The following TENM2 variants were observed in gnomAD, a reference collection of about 807,000 sequenced individuals.
The protein encoded by TENM2 is teneurin-2.
Under a neutral mutation model 245.2 loss-of-function variants are expected in TENM2, and 52 were observed. The observed-to-expected ratio is 0.21, with a 90% CI of 0.17 to 0.27. The LOEUF is 0.27. TENM2 is among the 10% of genes least tolerant of loss of function. TENM2 has a pLI of 1.00. For synonymous variants in TENM2, 1,363 were observed against 1,438.9 expected, an observed-to-expected ratio of 0.95 and a Z score of 1.19; for missense variants, 3,046 against 3,666.8, an observed-to-expected ratio of 0.83 and a Z score of 4.37.
At chr5:167,706,096 T>G (rs1758501152) in intron 2 of TENM2, among the ~76,000 whole-genome samples, 1 of 145,698 alleles carries the variant, frequency 6.9e-6, no homozygotes. Context: ...ATATATATAA[T>G]TATACCAGTA....
At chr5:167,033,260 A>G in the TENM2 span, among the ~76,000 whole-genome samples, 3 of 152,352 alleles carry the variant, frequency 2.0e-5, no homozygotes, top group African/African-American at 7.2e-5. Flanking sequence ...TTTTGGAGAA[A>G]GTTCACTTCG....
chr5:167,477,407 T>G (rs1334908080), intron 2 of TENM2, among the ~76,000 whole-genome samples: 1 of 146,052 alleles, frequency 6.8e-6, no homozygotes, highest in Non-Finnish European at 1.5e-5. Context: ...ATAATAAAAA[T>G]AGTTATGATC....
At chr5:167,000,906 T>C in the TENM2 span, among the ~76,000 whole-genome samples, 80 of 152,056 alleles carry the variant, frequency 5.3e-4, 1 homozygote, top group South Asian at 1.5e-3. Context: ...TGAGGAAGAG[T>C]AAGTTGTTGT....
chr5:167,737,449 C>T (rs1237606895), intron 2 of TENM2, among the ~76,000 whole-genome samples: 7 of 152,158 alleles, frequency 4.6e-5, no homozygotes, highest in East Asian at 3.9e-4. Context: ...CTGCTGCTTT[C>T]GAAGGTCCAT....
At chr5:167,205,305 T>A in the TENM2 span, among the ~76,000 whole-genome samples, 1 of 152,118 alleles carries the variant, frequency 6.6e-6, no homozygotes, top group East Asian at 1.9e-4. Context: ...CGCTTGGACC[T>A]GGGAGGTGGA....
chr5:168,110,781 C>T (rs1370344064), intron 9 of TENM2, among the ~76,000 whole-genome samples: 1 of 152,186 alleles, frequency 6.6e-6, no homozygotes, highest in African/African-American at 2.4e-5. Flanking sequence ...TAATGCTGTT[C>T]AGTCTCACAC....
intron 2 of TENM2, among the ~76,000 whole-genome samples, chr5:167,602,330 C>T (rs567516428): frequency 2.6e-5 from 4 of 152,150 alleles, no homozygotes; most frequent in Non-Finnish European, 4.4e-5. Flanking sequence ...AACTCACTGC[C>T]TCATATGAAA....
rs1760115128 is a variant in TENM2 at position 168,183,533 on chromosome 5, CA to C, written c.2570-6803del. Among the ~76,000 whole-genome samples the C allele has an allele frequency of 2.0e-5, 3 of 152,336 alleles. No individual in the cohort carries two copies. In the South Asian group the frequency reaches 6.2e-4, roughly 32 times the overall value. ...ACTCTTTCCATCTCTATCTCAAATT[CA>C]GCAGGAGCCTTTGGCCTTTGCTGGC... On this transcript the variant is annotated intron_variant, in intron 13 of 28. Coordinates refer to ENST00000518659, the Ensembl canonical transcript of TENM2.
chr5:168,030,264 G>T (rs1453578431), intron 5 of TENM2, among the ~76,000 whole-genome samples: 5 of 145,810 alleles, frequency 3.4e-5, no homozygotes, highest in Non-Finnish European at 7.4e-5. Flanking sequence ...TACCTGTATG[G>T]GCAGAGACCT....
chr5:167,652,548 A>G (rs192609413), intron 2 of TENM2, among the ~76,000 whole-genome samples: 1 of 151,764 alleles, frequency 6.6e-6, no homozygotes, highest in African/African-American at 2.4e-5. Flanking sequence ...ATATCTGGTC[A>G]GTATGTCAAA....
At chr5:167,106,264 T>C in the TENM2 span, among the ~76,000 whole-genome samples, 2 of 152,096 alleles carry the variant, frequency 1.3e-5, no homozygotes, top group African/African-American at 4.8e-5. Context: ...AAGAGTAAAC[T>C]GAAGGTTCAG....
chr5:167,723,006 T>G (rs2150525000), intron 2 of TENM2, among the ~76,000 whole-genome samples: 1 of 152,296 alleles, frequency 6.6e-6, no homozygotes, highest in Non-Finnish European at 1.5e-5. Flanking sequence ...GATTTCTATA[T>G]CCCTCAAGGA....
In TENM2 at chr5:168,208,838, A is replaced by G. The variant is rs945114767; in HGVS notation, c.3825-2896A>G. On this transcript the variant is annotated intron_variant, in intron 19 of 28. Coordinates refer to ENST00000518659, the Ensembl canonical transcript of TENM2. ...TATCTAAGAAGAAAAAACTAAAATT[A>G]TAAATATGAAATGAGAAATGAAATG... Among the ~76,000 whole-genome samples, 10 of 152,244 alleles carry G rather than the reference A, an allele frequency of 6.6e-5. 1 individual carries two copies. Among genetic ancestry groups the G allele is most frequent in the Non-Finnish European group, 1.3e-4 (9 of 68,048 alleles).
At chr5:168,110,039 CTTTTTTTTTT>C (rs5873091) in intron 9 of TENM2, among the ~76,000 whole-genome samples, 1 of 121,896 alleles carries the variant, frequency 8.2e-6, no homozygotes, top group Admixed American at 8.8e-5. Context: ...AAGAACCCTT[CTTTTTTTTTT>C]TTTTTTTTTT....
chr5:167,856,336 A>C (rs1771097623), intron 2 of TENM2, among the ~76,000 whole-genome samples: 1 of 152,150 alleles, frequency 6.6e-6, no homozygotes, highest in Non-Finnish European at 1.5e-5. Flanking sequence ...CCACAGATGA[A>C]AGCAGTTGTA....
intron 2 of TENM2, among the ~76,000 whole-genome samples, chr5:167,863,875 A>G (rs565301208): frequency 6.6e-6 from 1 of 152,282 alleles, no homozygotes. Flanking sequence ...TGTTCGAACA[A>G]TTGTTCAGGG....
intron 3 of TENM2, among the ~76,000 whole-genome samples, chr5:167,888,695 T>C (rs899867263): frequency 6.6e-6 from 1 of 152,230 alleles, no homozygotes; most frequent in Non-Finnish European, 1.5e-5. Context: ...TGTGTGGTGC[T>C]TTAAAATTCT....
chr5:167,992,916 A>T (rs926448116), intron 4 of TENM2, 28 bp from the exon 7 acceptor site: 1 of 1,584,584 alleles, frequency 6.3e-7, no homozygotes, highest in African/African-American at 1.3e-5. Context: ...ACCCATGACC[A>T]CTCTGACTCT....
chr5:168,003,540 A>G (rs1581025674), intron 5 of TENM2, among the ~76,000 whole-genome samples: 1 of 152,238 alleles, frequency 6.6e-6, no homozygotes, highest in Non-Finnish European at 1.5e-5. Context: ...TGGAACAGTT[A>G]AAGGACACAA....
Sources: gnomAD v4.1 joint callset for allele counts (sites outside exome capture counted in the v4.1 genomes callset) on GRCh38, gnomAD v4.1.1 for gene constraint, MANE v1.5 for transcripts, NCBI Gene and HGNC (gene_info 2026-07-23, HGNC 2026-07-21) for gene names.